Variants in VKORC1 observed in about 807,000 individuals in gnomAD.
VKORC1 encodes the protein phylloquinone epoxide reductase.
VKORC1 carries 12 observed loss-of-function variants against 14.8 expected under a neutral mutation model. The ratio of observed to expected loss-of-function variants is 0.81; its 90% CI spans 0.52 to 1.31. The LOEUF (loss-of-function observed/expected upper bound fraction) is 1.31. Ranked by LOEUF, VKORC1 falls within the 50% of genes most tolerant of loss-of-function variation. The pLI is 0.00. For missense variants in VKORC1, 223 were observed against 215.3 expected (o/e 1.04, Z -0.22); for synonymous variants, 94 against 92.5 (o/e 1.02, Z -0.09).
chr16:31,094,787 G>T lies in VKORC1; in HGVS notation c.-58C>A, dbSNP rs1266273737. On this transcript the variant is annotated 5_prime_UTR_variant, in exon 1 of 3. Coordinates refer to ENST00000394975, the MANE Select transcript of VKORC1 (RefSeq NM_024006.6). ...GAAAACCAGCCACGGAGCAGGGGCC[G>T]GGCGGCGAATGGCCGCGCCCCTCCT... 2 of 1,547,200 alleles carry T rather than the reference G, an allele frequency of 1.3e-6. No homozygotes were observed. The highest frequency in any genetic ancestry group is 8.7e-7 in the Non-Finnish European group (1 of 1,151,830).
chr16:31,092,852 G>T, intron 2 of VKORC1: 1 of 1,040,824 alleles, frequency 9.6e-7, no homozygotes, highest in Non-Finnish European at 1.3e-6. Context: ...TGGGCAACAT[G>T]GCGAGACACC....
chr16:31,091,388 C>T lies in VKORC1; in HGVS notation c.284-46G>A, dbSNP rs201002904. 3.8e-4 allele frequency: 606 copies of T among 1,585,194 alleles called. 1 individual carries two copies. Among genetic ancestry groups the T allele is most frequent in the Non-Finnish European group, 4.6e-4 (541 of 1,165,888 alleles). On this transcript the variant is annotated intron_variant, in intron 2 of 2. Transcript: ENST00000394975. ...CGGTGTGGGCTTCAGGCACTGGCCA[C>T]CTCCCGAACACTCCATGATGTCACT...
Position 31,091,110 on chromosome 16 carries a change from G to A in VKORC1, c.*24C>T, listed in dbSNP as rs1322794454. The A allele has an allele frequency of 4.3e-6, 7 of 1,612,196 alleles. No individual in the cohort carries two copies. The highest frequency in any genetic ancestry group is 5.9e-6 in the Non-Finnish European group (7 of 1,179,832). ...CACATGCCAAAGCAAAGCAGATGAG[G>A]TCAGCCTGGCTTGGGTTGAGGGCTC... On this transcript the variant is annotated 3_prime_UTR_variant, in exon 3 of 3. Coordinates refer to ENST00000394975, the MANE Select transcript of VKORC1 (RefSeq NM_024006.6).
At position 31,093,325 on chromosome 16, in the gene VKORC1, T is replaced by C. The variant is rs934112517; in HGVS notation, c.270A>G (p.Leu90=). ...NSIFGCIFYT[L]QLLLGCLRTR... Reference sequence around the variant, plus strand: ...GGAGCCACTCACCTAACAATAGCTGTAGTGTGTAGAAGATGCAACCGAATA... The same window carrying C: ...GGAGCCACTCACCTAACAATAGCTGCAGTGTGTAGAAGATGCAACCGAATA... The change falls in exon 2 of 3, where the codon CTA becomes CTG. Residue 90 remains leucine, a synonymous_variant. Coordinates refer to ENST00000394975, the MANE Select transcript of VKORC1 (RefSeq NM_024006.6). The C allele has an allele frequency of 2.5e-6, 4 of 1,613,616 alleles. No individual in the cohort carries two copies. The highest frequency in any genetic ancestry group is 1.7e-4 in the Middle Eastern group (1 of 5,988).
chr16:31,093,675 T>G (rs992829799), intron 1 of VKORC1: 25 of 530,584 alleles, frequency 4.7e-5, no homozygotes, highest in African/African-American at 4.7e-4. Context: ...GCCCTGCTTT[T>G]CATCTTAGAC....
intron 1 of VKORC1, chr16:31,093,697 CTCTTTT>C (rs2057305939): frequency 2.6e-5 from 1 of 38,724 alleles, no homozygotes; most frequent in Non-Finnish European, 5.4e-5. Flanking sequence ...TTAAGTAAGT[CTCTTTT>C]TTTTTTTTTT....
intron 2 of VKORC1, among the ~76,000 whole-genome samples, chr16:31,093,073 C>CA (rs2057300230): frequency 6.6e-6 from 1 of 151,884 alleles, no homozygotes; most frequent in Non-Finnish European, 1.5e-5. Context: ...CAACAACAAA[C>CA]AAAAAACCTG....
chr16:31,091,463 G>C (rs2143903345), intron 2 of VKORC1, 121 bp from the exon 3 acceptor site: 1 of 1,526,896 alleles, frequency 6.5e-7, no homozygotes, highest in South Asian at 1.2e-5. Context: ...AAAACAAGAG[G>C]CTCCAGGGCA....
chr16:31,094,747 C>A lies in VKORC1; in HGVS notation c.-18G>T, dbSNP rs772018953. On this transcript the variant is annotated 5_prime_UTR_variant, in exon 1 of 3. Transcript: ENST00000394975. ...CTGCCCATTATCTCCAGGTTCCGCC[C>A]GAGGCGCCCGCGGAGAAAACCAGCC... 3.8e-6 allele frequency: 6 copies of A among 1,584,942 alleles called. No homozygotes were observed. The Admixed American group carries it at 1.1e-4, about 28-fold the overall frequency.
chr16:31,091,614 C>T (rs796167191), intron 2 of VKORC1, among the ~76,000 whole-genome samples: 2 of 152,180 alleles, frequency 1.3e-5, no homozygotes, highest in East Asian at 1.9e-4. Flanking sequence ...CAGCTGGGCA[C>T]GGTGGCTCAT....
rs199952041 is a variant in VKORC1, at chr16:31,091,174, C to T, written c.452G>A (p.Arg151Gln). The T allele has an allele frequency of 1.1e-4, 185 of 1,614,066 alleles. No individual in the cohort carries two copies. The Middle Eastern group carries it at 1.7e-3, about 14-fold the overall frequency. ...CTTGCCCTGGGGTTCTTGGACCTTC[C>T]GGAAACTGAGCCACATCAGGCTCAC... Reference protein sequence around the residue: ...INVSLMWLSFRKVQEPQGKAK... With the variant: ...INVSLMWLSFQKVQEPQGKAK... The change falls in exon 3 of 3, where the codon CGG becomes CAG. Residue 151 changes from arginine (R) to glutamine (Q), a missense_variant. Transcript: ENST00000394975.
Position 31,093,370 on chromosome 16 carries a change from G to A in VKORC1, c.225C>T (p.Ile75=). The change falls in exon 2 of 3, where the codon ATC becomes ATT. Residue 75 remains isoleucine, a synonymous_variant. Transcript: ENST00000394975. ...LVEHVLGQDS[I]LNQSNSIFGC... ...CGAATATGCTGTTGGATTGATTGAG[G>A]ATGCTGTCCTGTCCCAGCACATGCT... is the stretch of plus-strand genomic sequence containing the variant. 1 of 1,614,162 alleles carries A rather than the reference G, an allele frequency of 6.2e-7. No individual in the cohort carries two copies. The highest frequency in any genetic ancestry group is 1.7e-5 in the Admixed American group (1 of 60,030).
chr16:31,094,391 TTCGAACACCAGTA>T, intron 1 of VKORC1, 153 bp downstream of exon 1: 1 of 1,612,910 alleles, frequency 6.2e-7, no homozygotes, highest in East Asian at 2.2e-5. Context: ...GCACTCTTAT[TTCGAACACCAGTA>T]TCGCTGGGTA....
chr16:31,092,815 A>C (rs2057298049), intron 2 of VKORC1: 1 of 1,244,332 alleles, frequency 8.0e-7, no homozygotes. Flanking sequence ...TGGGAGGCTG[A>C]GGCAGACAGA....
At position 31,091,018 on chromosome 16, in the gene VKORC1, G is replaced by T; in HGVS notation, c.*116C>A. The T allele has an allele frequency of 6.6e-7, 1 of 1,508,344 alleles. No homozygotes were observed. The highest frequency in any genetic ancestry group is 9.0e-7 in the Non-Finnish European group (1 of 1,116,160). The allele number at this position is 1,508,344 out of a possible 1,614,324, so 93.4% of individuals were successfully genotyped here. Reference sequence around the variant, plus strand: ...TCATGTGCGGGTATGGCAGGAGGAGGGGGTAATCTAGAAGCCCCACATCTA... The same window carrying T: ...TCATGTGCGGGTATGGCAGGAGGAGTGGGTAATCTAGAAGCCCCACATCTA... On this transcript the variant is annotated 3_prime_UTR_variant, in exon 3 of 3. Coordinates refer to ENST00000394975, the MANE Select transcript of VKORC1 (RefSeq NM_024006.6).
chr16:31,094,416 C>T lies in VKORC1; in HGVS notation c.173+141G>A, dbSNP rs576216634. 4.3e-6 allele frequency: 7 copies of T among 1,612,946 alleles called. No individual in the cohort carries two copies. The African/African-American group carries it at 6.7e-5, about 15-fold the overall frequency. On this transcript the variant is annotated intron_variant, in intron 1 of 2. Transcript: ENST00000394975. Reference sequence around the variant, plus strand: ...TTCGAACACCAGTATCGCTGGGTAGCTCAGCCCCTGTGCAACGACCCCGCG... The same window carrying T: ...TTCGAACACCAGTATCGCTGGGTAGTTCAGCCCCTGTGCAACGACCCCGCG...
intron 1 of VKORC1, 123 bp from the exon 2 acceptor site, chr16:31,093,544 A>G: frequency 1.9e-6 from 3 of 1,555,004 alleles, no homozygotes; most frequent in Non-Finnish European, 2.6e-6. Context: ...CCGACCTCCC[A>G]TCCTAGTCCA....
rs766721996 is a variant in VKORC1 at position 31,094,701 on chromosome 16, C to A, written c.29G>T (p.Trp10Leu). 7 of 1,608,548 alleles carry A rather than the reference C, an allele frequency of 4.4e-6. No homozygotes were observed. The highest frequency in any genetic ancestry group is 5.9e-6 in the Non-Finnish European group (7 of 1,178,964). The stretch of plus-strand genomic sequence containing the variant: ...CGTCAGGCAAAGAGCGAGCCGCACC[C>A]AGCCAGGGCTCCCCCAGGTGCTGCC... Reference protein sequence around the residue: MGSTWGSPGWVRLALCLTGL... With the variant: MGSTWGSPGLVRLALCLTGL... The change falls in exon 1 of 3, where the codon TGG (tryptophan) becomes TTG (leucine). Residue 10 changes from tryptophan to leucine, a missense_variant. Trp to Leu is a moderately conservative substitution (Grantham distance 61). Coordinates refer to ENST00000394975, the MANE Select transcript of VKORC1 (RefSeq NM_024006.6).
intron 1 of VKORC1, 139 bp from the exon 2 acceptor site, chr16:31,093,560 C>T: frequency 6.5e-7 from 1 of 1,537,646 alleles, no homozygotes; most frequent in Non-Finnish European, 8.8e-7. Context: ...GTCCAAGGGT[C>T]GATGATCTCC....
Sources: gnomAD v4.1 joint callset for allele counts (sites outside exome capture counted in the v4.1 genomes callset) on GRCh38, gnomAD v4.1.1 for gene constraint, MANE v1.5 for transcripts, NCBI Gene and HGNC (gene_info 2026-07-23, HGNC 2026-07-21) for gene names.